Variants in PLCXD3 observed in about 807,000 individuals in gnomAD.
PLCXD3 encodes PI-PLC X domain-containing protein 3.
A neutral mutation model predicts 25.5 loss-of-function variants in PLCXD3; 19 were observed. The ratio of observed to expected loss-of-function variants is 0.75; its 90% CI spans 0.52 to 1.09. The LOEUF is 1.09. Ranked by LOEUF, PLCXD3 falls within the 50% of genes least tolerant of loss-of-function variation. The pLI, the probability that PLCXD3 is intolerant of heterozygous loss-of-function variation, is 0.00. For synonymous variants in PLCXD3, 174 were observed against 137.6 expected (o/e 1.26, Z -1.85); for missense variants, 411 against 388.1 (o/e 1.06, Z -0.50).
chr5:41,446,440 C>T (rs1747505518), intron 1 of PLCXD3, among the ~76,000 whole-genome samples: 2 of 152,018 alleles, frequency 1.3e-5, no homozygotes, highest in Admixed American at 1.3e-4. Context: ...TGATCTGACT[C>T]AACTAGTCAA....
intron 1 of PLCXD3, among the ~76,000 whole-genome samples, chr5:41,510,119 G>T (rs895168381): frequency 1.3e-5 from 2 of 152,032 alleles, no homozygotes; most frequent in African/African-American, 4.8e-5. Context: ...CCATAGGAGG[G>T]GGTCACGAGG....
At chr5:41,435,668 A>G (rs756069262) in intron 1 of PLCXD3, among the ~76,000 whole-genome samples, 3 of 152,222 alleles carry the variant, frequency 2.0e-5, no homozygotes, top group Non-Finnish European at 4.4e-5. Flanking sequence ...ATTTGATAGA[A>G]CTTCCCAAAA....
intron 2 of PLCXD3, among the ~76,000 whole-genome samples, chr5:41,318,946 A>G (rs1020671648): frequency 6.6e-6 from 1 of 152,226 alleles, no homozygotes; most frequent in African/African-American, 2.4e-5. Flanking sequence ...CAAATGAACA[A>G]AAAAAGCAGG....
intron 1 of PLCXD3, among the ~76,000 whole-genome samples, chr5:41,486,413 T>G (rs1455196479): frequency 6.6e-6 from 1 of 152,096 alleles, no homozygotes; most frequent in Non-Finnish European, 1.5e-5. Context: ...TCTGGGTACC[T>G]CATGTCTGCC....
At chr5:41,424,400 T>G (rs1746901694) in intron 1 of PLCXD3, among the ~76,000 whole-genome samples, 2 of 151,778 alleles carry the variant, frequency 1.3e-5, no homozygotes, top group South Asian at 4.2e-4. Context: ...ATTAGCCGGG[T>G]GTGGTGGTGC....
At chr5:41,341,903 C>A (rs1744163217) in intron 2 of PLCXD3, among the ~76,000 whole-genome samples, 1 of 152,150 alleles carries the variant, frequency 6.6e-6, no homozygotes, top group Non-Finnish European at 1.5e-5. Context: ...GGAGCACATT[C>A]TTAGCCATGC....
intron 1 of PLCXD3, among the ~76,000 whole-genome samples, chr5:41,474,593 C>G (rs1356433303): frequency 6.6e-6 from 1 of 152,180 alleles, no homozygotes; most frequent in Admixed American, 6.5e-5. Context: ...AGATAAATCT[C>G]TCTCCTAGTT....
At chr5:41,375,027 C>T (rs535945167) in intron 2 of PLCXD3, among the ~76,000 whole-genome samples, 15 of 152,192 alleles carry the variant, frequency 9.9e-5, no homozygotes, top group African/African-American at 3.4e-4. Flanking sequence ...AGACTAGACC[C>T]ATCCCTTCCG....
At chr5:41,454,246 G>C (rs1747700973) in intron 1 of PLCXD3, among the ~76,000 whole-genome samples, 1 of 151,972 alleles carries the variant, frequency 6.6e-6, no homozygotes, top group South Asian at 2.1e-4. Context: ...CCAATGACTG[G>C]TGTCCTGTCT....
intron 2 of PLCXD3, among the ~76,000 whole-genome samples, chr5:41,324,798 G>A (rs1255766146): frequency 6.6e-6 from 1 of 152,170 alleles, no homozygotes; most frequent in Non-Finnish European, 1.5e-5. Context: ...ATCACAACCA[G>A]TGTATTTCCT....
intron 1 of PLCXD3, among the ~76,000 whole-genome samples, chr5:41,429,176 A>T (rs1461587641): frequency 1.3e-5 from 2 of 152,172 alleles, no homozygotes; most frequent in Non-Finnish European, 2.9e-5. Flanking sequence ...GATGTTACTT[A>T]GTGAAAATTT....
At chr5:41,434,152 T>C (rs1463349825) in intron 1 of PLCXD3, among the ~76,000 whole-genome samples, 3 of 152,190 alleles carry the variant, frequency 2.0e-5, no homozygotes, top group Admixed American at 6.5e-5. Flanking sequence ...CTTGTGGCTT[T>C]TCTATATATC....
chr5:41,331,722 A>G (rs1270991279), intron 2 of PLCXD3, among the ~76,000 whole-genome samples: 3 of 152,230 alleles, frequency 2.0e-5, no homozygotes, highest in Admixed American at 6.5e-5. Context: ...CCAAAACAGC[A>G]TGGTACTGGT....
At chr5:41,420,997 C>A (rs1746807199) in intron 1 of PLCXD3, among the ~76,000 whole-genome samples, 1 of 152,096 alleles carries the variant, frequency 6.6e-6, no homozygotes, top group Non-Finnish European at 1.5e-5. Context: ...ATCTTACCCA[C>A]AAGTAGATCC....
rs376362200 is a variant in PLCXD3, at chr5:41,376,014, C to T, written c.812+5812G>A. 1.1e-4 allele frequency among the ~76,000 whole-genome samples: 16 copies of T among 152,208 alleles called. No individual in the cohort carries two copies. The East Asian group carries it at 1.5e-3, about 15-fold the overall frequency. On this transcript the variant is annotated intron_variant, in intron 2 of 2. Coordinates refer to ENST00000377801, the MANE Select transcript of PLCXD3 (RefSeq NM_001005473.3). Reference sequence around the variant, plus strand: ...CCTTAAATGGACACAAATCATGTAGCGCTCTTAGCACAGTGCCTGGCACAT... The same window carrying T: ...CCTTAAATGGACACAAATCATGTAGTGCTCTTAGCACAGTGCCTGGCACAT...
intron 1 of PLCXD3, among the ~76,000 whole-genome samples, chr5:41,386,966 T>TA (rs72536307): frequency 5.3e-4 from 12 of 22,632 alleles, no homozygotes; most frequent in African/African-American, 1.2e-3. Context: ...ATTAAAATCT[T>TA]AACTTTTTGT....
At chr5:41,332,648 T>C (rs1223610960) in intron 2 of PLCXD3, among the ~76,000 whole-genome samples, 1 of 152,078 alleles carries the variant, frequency 6.6e-6, no homozygotes, top group Non-Finnish European at 1.5e-5. Context: ...TGCACACATA[T>C]GTTTATTGCG....
intron 1 of PLCXD3, among the ~76,000 whole-genome samples, chr5:41,453,907 ATAATG>A (rs934885782): frequency 2.0e-5 from 3 of 152,014 alleles, no homozygotes; most frequent in African/African-American, 7.2e-5. Flanking sequence ...ACTCTCCAAA[ATAATG>A]GCCATGACTT....
intron 1 of PLCXD3, among the ~76,000 whole-genome samples, chr5:41,441,791 C>T (rs531565732): frequency 6.6e-6 from 1 of 152,264 alleles, no homozygotes; most frequent in East Asian, 1.9e-4. Flanking sequence ...TGTCCCCTGC[C>T]TATAGAATGA....
Sources: gnomAD v4.1 joint callset for allele counts (sites outside exome capture counted in the v4.1 genomes callset) on GRCh38, gnomAD v4.1.1 for gene constraint, MANE v1.5 for transcripts, NCBI Gene and HGNC (gene_info 2026-07-23, HGNC 2026-07-21) for gene names.